TIAM2: variants seen among roughly 807,000 people sequenced by gnomAD.
The protein encoded by TIAM2 is rho guanine nucleotide exchange factor TIAM2.
A neutral mutation model predicts 152.9 loss-of-function variants in TIAM2; 80 were observed. That is an observed-to-expected ratio of 0.52 (90% confidence interval 0.44 to 0.63). The LOEUF is 0.63. Ranked by LOEUF, TIAM2 falls within the 30% of genes least tolerant of loss-of-function variation. The probability of loss-of-function intolerance (pLI) is 0.00; values close to 1 mark genes in which losing one functional copy is unlikely to be tolerated. For missense variants in TIAM2, 1,965 were observed against 2,120.1 expected, an observed-to-expected ratio of 0.93 and a Z score of 1.44; for synonymous variants, 804 against 838.0, an observed-to-expected ratio of 0.96 and a Z score of 0.70.
intron 15 of TIAM2, among the ~76,000 whole-genome samples, chr6:155,225,118 G>T (rs1217932122): frequency 6.6e-6 from 1 of 152,122 alleles, no homozygotes; most frequent in Non-Finnish European, 1.5e-5. Context: ...ACTGCACACA[G>T]CTAATTTTTG....
At chr6:154,999,094 G>T (rs1371087711) in intron 1 of TIAM2, among the ~76,000 whole-genome samples, 2 of 152,018 alleles carry the variant, frequency 1.3e-5, no homozygotes, top group Admixed American at 1.3e-4. Flanking sequence ...GTGGAATTTG[G>T]CCCATGTGTT....
At chr6:155,121,822 G>A (rs1052842099) in intron 2 of TIAM2, 1 of 152,324 alleles carries the variant, frequency 6.6e-6, no homozygotes, top group African/African-American at 2.4e-5. Context: ...CTTTTTTGCA[G>A]TGGCTCCGTT....
intron 12 of TIAM2, among the ~76,000 whole-genome samples, chr6:155,181,022 A>G (rs1198206353): frequency 6.6e-6 from 1 of 152,114 alleles, no homozygotes; most frequent in Non-Finnish European, 1.5e-5. Flanking sequence ...ATTGGAATGG[A>G]TGAATGAAGA....
At chr6:155,099,869 C>G (rs1778514925) in intron 2 of TIAM2, among the ~76,000 whole-genome samples, 1 of 152,198 alleles carries the variant, frequency 6.6e-6, no homozygotes, top group Non-Finnish European at 1.5e-5. Context: ...CACACCCAGG[C>G]TATATGGCAT....
rs528231696 is a variant in TIAM2, at chr6:155,214,045, C to T, written c.3168+2738C>T. Among the ~76,000 whole-genome samples the T allele has an allele frequency of 3.3e-5, 5 of 152,194 alleles. No homozygotes were observed. The highest frequency in any genetic ancestry group is 7.4e-5 in the Non-Finnish European group (5 of 68,020). ...GTGGCTGCAGCAGTACCCGGGAGGG[C>T]GGGGCTCCTTCCTGCTCCTGGCCCC... is the stretch of plus-strand genomic sequence containing the variant. On this transcript the variant is annotated intron_variant, in intron 15 of 26. Transcript: ENST00000682666. The surrounding 1 kb of genome is among the most constrained non-coding windows in gnomAD (Gnocchi z 5.4).
intron 2 of TIAM2, among the ~76,000 whole-genome samples, chr6:155,125,513 G>A (rs1306051409): frequency 6.6e-6 from 1 of 152,170 alleles, no homozygotes; most frequent in Non-Finnish European, 1.5e-5. Flanking sequence ...TGGTGCAGCT[G>A]TTGCGGAAAA....
chr6:155,011,638 C>A (rs770513839), intron 1 of TIAM2, among the ~76,000 whole-genome samples: 2 of 152,166 alleles, frequency 1.3e-5, no homozygotes, highest in Non-Finnish European at 2.9e-5. Context: ...AATTTTAGTT[C>A]CTTTGGGATC....
chr6:155,075,142 T>G (rs914697377), intron 1 of TIAM2, among the ~76,000 whole-genome samples: 1 of 151,936 alleles, frequency 6.6e-6, no homozygotes, highest in Middle Eastern at 3.2e-3. Flanking sequence ...GGACTAAATG[T>G]AGGAGGTGAG....
chr6:154,995,469 A>C lies in TIAM2; in HGVS notation c.-232A>C, dbSNP rs1778196633. ...CGGAGGGCGGCGCGCGACCGGCCCC[A>C]CCGAGCCCGGCGCGCGACCCGAGGT... is the stretch of plus-strand genomic sequence containing the variant. On this transcript the variant is annotated 5_prime_UTR_variant, in exon 1 of 27. Transcript: ENST00000682666. This position sits in a 1 kb window ranked among gnomAD's most constrained non-coding sequence, Gnocchi z 5.2. 6.7e-6 allele frequency: 1 copy of C among 148,746 alleles called. No individual in the cohort carries two copies. The highest frequency in any genetic ancestry group is 1.5e-5 in the Non-Finnish European group (1 of 67,064). 9.2% of individuals were successfully genotyped at this position (148,746 alleles called of 1,614,324 possible).
intron 2 of TIAM2, among the ~76,000 whole-genome samples, chr6:155,124,833 C>T (rs906805474): frequency 4.6e-5 from 7 of 151,544 alleles, no homozygotes; most frequent in Non-Finnish European, 7.4e-5. Context: ...GATTTCCTGC[C>T]AATGGCCAAG....
At chr6:155,142,225 A>C (rs1007110800) in intron 5 of TIAM2, among the ~76,000 whole-genome samples, 1 of 152,228 alleles carries the variant, frequency 6.6e-6, no homozygotes, top group Non-Finnish European at 1.5e-5. Context: ...ACTTGATGTC[A>C]TAGAGTTAAG....
At position 155,218,550 on chromosome 6, in the gene TIAM2, C is replaced by T. The variant is rs2115233764; in HGVS notation, c.3168+7243C>T. 6.6e-6 allele frequency among the ~76,000 whole-genome samples: 1 copy of T among 152,312 alleles called. No homozygotes were observed. Among genetic ancestry groups the T allele is most frequent in the Admixed American group, 6.5e-5 (1 of 15,300 alleles). ...AATAAACATAACACCACCACCAACC[C>T]AGTGTTGTCAAAGGAATCACGTGAG... On this transcript the variant is annotated intron_variant, in intron 15 of 26. Transcript: ENST00000682666. The surrounding 1 kb of genome is among the most constrained non-coding windows in gnomAD (Gnocchi z 4.5).
At chr6:155,169,047 G>C (rs955510520) in intron 9 of TIAM2, 5 of 827,536 alleles carry the variant, frequency 6.0e-6, no homozygotes, top group Non-Finnish European at 7.2e-6. Context: ...CCAGGCTGGA[G>C]TGCAGTGGCA....
rs114093740 is a variant in TIAM2, at chr6:155,212,936, A to G, written c.3168+1629A>G. Among the ~76,000 whole-genome samples, 415 of 152,286 alleles carry G rather than the reference A, an allele frequency of 2.7e-3. 1 individual carries two copies. The highest frequency in any genetic ancestry group is 9.7e-3 in the African/African-American group (403 of 41,568). ...CCCTGTGAAGCTACGGCTGGATCAC[A>G]CATATTACAAGCAGTTTCCATGGCC... On this transcript the variant is annotated intron_variant, in intron 15 of 26. Coordinates refer to ENST00000682666, the MANE Select transcript of TIAM2 (RefSeq NM_012454.4).
chr6:155,085,473 T>C (rs1778154756), intron 1 of TIAM2, among the ~76,000 whole-genome samples: 1 of 152,130 alleles, frequency 6.6e-6, no homozygotes, highest in Non-Finnish European at 1.5e-5. Context: ...ATGAAAGTTT[T>C]ATAAACTCTG....
At chr6:155,042,756 C>T (rs1389095538) in intron 1 of TIAM2, among the ~76,000 whole-genome samples, 3 of 151,370 alleles carry the variant, frequency 2.0e-5, no homozygotes. Flanking sequence ...ACCTCAAATA[C>T]TTATTTTTTG....
intron 1 of TIAM2, among the ~76,000 whole-genome samples, chr6:155,038,851 G>A (rs1388813247): frequency 6.6e-6 from 1 of 151,084 alleles, no homozygotes; most frequent in African/African-American, 2.4e-5. Context: ...AGGATCCCTT[G>A]AGCCCAGGAG....
At chr6:155,216,387 G>C (rs1781862353) in intron 15 of TIAM2, among the ~76,000 whole-genome samples, 1 of 152,194 alleles carries the variant, frequency 6.6e-6, no homozygotes, top group Admixed American at 6.5e-5. Flanking sequence ...TTAGAATAAA[G>C]AATAATTTCC....
chr6:155,065,637 G>T (rs1777676929), intron 1 of TIAM2, among the ~76,000 whole-genome samples: 2 of 152,090 alleles, frequency 1.3e-5, no homozygotes, highest in South Asian at 2.1e-4. Flanking sequence ...AATTAGCCAG[G>T]TGTGGTGGTG....
Sources: gnomAD v4.1 joint callset for allele counts (sites outside exome capture counted in the v4.1 genomes callset) on GRCh38, gnomAD v4.1.1 for gene constraint, Gnocchi (gnomAD v3.1) non-coding constraint, MANE v1.5 for transcripts, NCBI Gene and HGNC (gene_info 2026-07-23, HGNC 2026-07-21) for gene names.